Variants in CCDC124 observed in about 807,000 individuals in gnomAD.
CCDC124 encodes the protein coiled-coil domain containing 124, also known as coiled-coil domain-containing protein 124.
In CCDC124, 9 loss-of-function variants were observed where a neutral mutation model predicts 19.8. That is an observed-to-expected ratio of 0.45 (90% confidence interval 0.27 to 0.79). The LOEUF (loss-of-function observed/expected upper bound fraction) is 0.79, where lower values mean the gene tolerates loss of function less well. Ranked by LOEUF, CCDC124 falls within the 30% of genes least tolerant of loss-of-function variation. The pLI is 0.14. For missense variants in CCDC124, 285 were observed against 319.0 expected, an observed-to-expected ratio of 0.89 and a Z score of 0.81; for synonymous variants, 126 against 131.3, an observed-to-expected ratio of 0.96 and a Z score of 0.27.
intron 2 of CCDC124, 178 bp downstream of exon 2, chr19:17,936,757 G>C: frequency 6.0e-6 from 4 of 661,868 alleles, no homozygotes; most frequent in Non-Finnish European, 9.8e-6. Context: ...GAGGCAGGCA[G>C]ATCACCTGGG....
rs190487133 is a variant in CCDC124 at position 17,943,985 on chromosome 19, A to C, written c.*270A>C. ...GGTGGCGGCAAGGCTGCGGTGAGGC[A>C]CTTGAAGCCTAAGTGAGTGGGTGGG... is the stretch of plus-strand genomic sequence containing the variant. On this transcript the variant is annotated 3_prime_UTR_variant, in exon 5 of 5. Transcript: ENST00000445755. 9.4e-6 allele frequency: 5 copies of C among 533,802 alleles called. No homozygotes were observed. The highest frequency in any genetic ancestry group is 3.8e-5 in the African/African-American group (2 of 52,864). The allele number at this position is 533,802 out of a possible 1,614,324, so 33.1% of individuals were successfully genotyped here. A position where few individuals can be genotyped will look rare whatever the true frequency, so the allele number is the denominator to read the frequency against.
chr19:17,936,672 T>C, intron 2 of CCDC124, 93 bp downstream of exon 2: 1 of 1,458,088 alleles, frequency 6.9e-7, no homozygotes, highest in South Asian at 1.3e-5. Context: ...GAGGGCCCTC[T>C]GAGCTTTGGT....
chr19:17,939,805 T>C (rs966817169), intron 2 of CCDC124, among the ~76,000 whole-genome samples: 19 of 151,688 alleles, frequency 1.3e-4, no homozygotes, highest in Admixed American at 1.2e-3. Context: ...GCATTTTTAG[T>C]AGAGATGGGG....
rs1290716760 is a variant in CCDC124, at chr19:17,943,291, C to T, written c.380C>T (p.Pro127Leu). Residue 127 changes from proline (P) to leucine (L), a missense_variant, in exon 4 of 5, where the codon CCG (proline) becomes CTG (leucine). Physicochemically the swap from Pro to Leu is moderately conservative, Grantham distance 98. Coordinates refer to ENST00000445755, the MANE Select transcript of CCDC124 (RefSeq NM_001136203.2). ...AEKAKSHLEV[P>L]LEENVNRRVL... ...AAAGCCAAGAGCCATCTGGAGGTGCCGCTGGAGGAGAACGTGAACCGCCGC... is the reference window on the plus strand; with the variant it reads ...AAAGCCAAGAGCCATCTGGAGGTGCTGCTGGAGGAGAACGTGAACCGCCGC... The T allele has an allele frequency of 1.4e-5, 18 of 1,312,650 alleles. No homozygotes were observed. The highest frequency in any genetic ancestry group is 4.8e-5 in the African/African-American group (3 of 62,740). 81.3% of individuals were successfully genotyped at this position (1,312,650 alleles called of 1,614,324 possible).
chr19:17,933,916 A>G (rs2031002483), intron 1 of CCDC124, among the ~76,000 whole-genome samples: 1 of 152,220 alleles, frequency 6.6e-6, no homozygotes, highest in African/African-American at 2.4e-5. Flanking sequence ...TTAGGTGCCC[A>G]GTACATATTT....
At position 17,942,996 on chromosome 19, in the gene CCDC124, G is replaced by A; in HGVS notation, c.349+151G>A. 1 of 975,984 alleles carries A rather than the reference G, an allele frequency of 1.0e-6. No individual in the cohort carries two copies. Among genetic ancestry groups the A allele is most frequent in the South Asian group, 1.7e-5 (1 of 58,372 alleles). The allele number at this position is 975,984 out of a possible 1,614,324, so 60.5% of individuals were successfully genotyped here. A position where few individuals can be genotyped will look rare whatever the true frequency, so the allele number is the denominator to read the frequency against. Reference sequence around the variant, plus strand: ...GGTAGGCCGCCTCCTGGTAGGCCTGGCCGTGAGCAGACAACCTCAGGGCTT... The same window carrying A: ...GGTAGGCCGCCTCCTGGTAGGCCTGACCGTGAGCAGACAACCTCAGGGCTT... On this transcript the variant is annotated intron_variant, in intron 3 of 4. Coordinates refer to ENST00000445755, the MANE Select transcript of CCDC124 (RefSeq NM_001136203.2). This position sits in a 1 kb window ranked among gnomAD's most constrained non-coding sequence, Gnocchi z 4.2.
In CCDC124 at chr19:17,943,501, C is replaced by A; in HGVS notation, c.465-7C>A. Reference sequence around the variant, plus strand: ...CAAGGCCCCCTGACGCTCATGTCCACCCCCAGCGTGGCGGAGGAGGCGGCC... The same window carrying A: ...CAAGGCCCCCTGACGCTCATGTCCAACCCCAGCGTGGCGGAGGAGGCGGCC... On this transcript the variant is annotated splice_region_variant and splice_polypyrimidine_tract_variant and intron_variant, in intron 4 of 4. Coordinates refer to ENST00000445755, the MANE Select transcript of CCDC124 (RefSeq NM_001136203.2). 1 of 1,609,346 alleles carries A rather than the reference C, an allele frequency of 6.2e-7. No homozygotes were observed. The highest frequency in any genetic ancestry group is 8.5e-7 in the Non-Finnish European group (1 of 1,179,248).
Position 17,943,526 on chromosome 19 carries a change from C to G in CCDC124, c.483C>G (p.Ala161=). The G allele has an allele frequency of 6.2e-7, 1 of 1,611,680 alleles. No homozygotes were observed. Among genetic ancestry groups the G allele is most frequent in the Non-Finnish European group, 8.5e-7 (1 of 1,179,682 alleles). ...CCCCCAGCGTGGCGGAGGAGGCGGCCGACCGGCACCCAGAAAGACGCATGC... is the reference window on the plus strand; with the variant it reads ...CCCCCAGCGTGGCGGAGGAGGCGGCGGACCGGCACCCAGAAAGACGCATGC... ...IAVLSVAEEA[A]DRHPERRMRA... is the part of the protein sequence containing the mutation. The change falls in exon 5 of 5, where the codon GCC becomes GCG. Residue 161 remains alanine, a synonymous_variant. Transcript: ENST00000445755.
chr19:17,933,672 C>T (rs966090127), intron 1 of CCDC124, among the ~76,000 whole-genome samples: 18 of 152,186 alleles, frequency 1.2e-4, no homozygotes, highest in African/African-American at 4.1e-4. Flanking sequence ...TTCCAGCCTA[C>T]CTCCTGCATC....
chr19:17,937,434 T>C (rs2031090076), intron 2 of CCDC124, among the ~76,000 whole-genome samples: 2 of 152,042 alleles, frequency 1.3e-5, no homozygotes, highest in African/African-American at 2.4e-5. Flanking sequence ...TTCTCTCCTT[T>C]GAGTAATGTC....
chr19:17,934,062 A>T (rs925263436), intron 1 of CCDC124, among the ~76,000 whole-genome samples: 1 of 149,138 alleles, frequency 6.7e-6, no homozygotes, highest in African/African-American at 2.6e-5. Flanking sequence ...TGTGGCTCAC[A>T]CCTGTAATCC....
intron 2 of CCDC124, among the ~76,000 whole-genome samples, chr19:17,939,753 G>A (rs1470983843): frequency 6.6e-6 from 1 of 151,920 alleles, no homozygotes; most frequent in Non-Finnish European, 1.5e-5. Context: ...CTCCCGAGTA[G>A]CTGGGATTAC....
In CCDC124 at chr19:17,936,584, G is replaced by T. The variant is rs749991639; in HGVS notation, c.159+5G>T. The T allele has an allele frequency of 1.4e-5, 22 of 1,610,452 alleles. No individual in the cohort carries two copies. The highest frequency in any genetic ancestry group is 1.8e-5 in the Non-Finnish European group (21 of 1,178,304). ...ATGAGGAAGGAGCAGCGCAAGGTGC[G>T]TGCACTCCGAGTCCCCGCGGCCCGC... On this transcript the variant is annotated splice_donor_5th_base_variant and intron_variant, in intron 2 of 4. Coordinates refer to ENST00000445755, the MANE Select transcript of CCDC124 (RefSeq NM_001136203.2).
intron 2 of CCDC124, among the ~76,000 whole-genome samples, chr19:17,938,593 T>C (rs956950911): frequency 2.0e-5 from 3 of 152,050 alleles, no homozygotes; most frequent in Admixed American, 1.3e-4. Context: ...TTACCCGTCA[T>C]CTTTTTTTTG....
intron 2 of CCDC124, among the ~76,000 whole-genome samples, chr19:17,941,597 C>T (rs189020765): frequency 1.2e-4 from 18 of 152,058 alleles, no homozygotes; most frequent in African/African-American, 3.4e-4. Context: ...TGCCTCTGAC[C>T]GAGGGGGAAA....
intron 2 of CCDC124, among the ~76,000 whole-genome samples, chr19:17,940,611 A>T (rs1460508860): frequency 6.6e-6 from 1 of 151,980 alleles, no homozygotes; most frequent in African/African-American, 2.4e-5. Context: ...CTAAAAATAC[A>T]AAATATTAGC....
rs1205880043 is a variant in CCDC124, at chr19:17,943,771, C to G, written c.*56C>G. 6.5e-7 allele frequency: 1 copy of G among 1,543,100 alleles called. No individual in the cohort carries two copies. Among genetic ancestry groups the G allele is most frequent in the South Asian group, 1.1e-5 (1 of 87,478 alleles). ...GGGTGGTCCAGGTCACGACTCTGCA[C>G]GCCCTTAGGCCAGGTCAGCTGCGAG... On this transcript the variant is annotated 3_prime_UTR_variant, in exon 5 of 5. Transcript: ENST00000445755.
At position 17,943,848 on chromosome 19, in the gene CCDC124, T is replaced by A; in HGVS notation, c.*133T>A. 1.2e-6 allele frequency: 1 copy of A among 832,716 alleles called. No individual in the cohort carries two copies. The highest frequency in any genetic ancestry group is 1.9e-6 in the Non-Finnish European group (1 of 532,968). The allele number at this position is 832,716 out of a possible 1,614,324, so 51.6% of individuals were successfully genotyped here. A position where few individuals can be genotyped will look rare whatever the true frequency, so the allele number is the denominator to read the frequency against. Reference sequence around the variant, plus strand: ...GCGCCGGGCCCCGGGGCCATGCTCTTATCACCAGCCACCCGTCCTCCCGCC... The same window carrying A: ...GCGCCGGGCCCCGGGGCCATGCTCTAATCACCAGCCACCCGTCCTCCCGCC... On this transcript the variant is annotated 3_prime_UTR_variant, in exon 5 of 5. Coordinates refer to ENST00000445755, the MANE Select transcript of CCDC124 (RefSeq NM_001136203.2).
At chr19:17,937,628 A>G (rs2031093705) in intron 2 of CCDC124, among the ~76,000 whole-genome samples, 1 of 152,102 alleles carries the variant, frequency 6.6e-6, no homozygotes, top group South Asian at 2.1e-4. Flanking sequence ...GCAAAGAATG[A>G]GCCAGCCCCA....
Sources: allele counts gnomAD v4.1 joint callset (sites outside exome capture counted in the v4.1 genomes callset), GRCh38; gene constraint gnomAD v4.1.1; non-coding constraint Gnocchi (gnomAD v3.1); transcripts MANE v1.5; gene names NCBI Gene and HGNC (gene_info 2026-07-23, HGNC 2026-07-21).